The following ZNF804B variants were observed in gnomAD, a reference collection of about 807,000 sequenced individuals.
The protein encoded by ZNF804B is zinc finger protein 804B.
In ZNF804B, 80 loss-of-function variants were observed where a neutral mutation model predicts 101.4. The observed-to-expected ratio is 0.79, with a 90% CI of 0.66 to 0.95. ZNF804B has a LOEUF of 0.95. Among genes scored for constraint, ZNF804B ranks in the 40% least tolerant of loss-of-function variants. The probability of loss-of-function intolerance (pLI) is 0.00; values close to 1 mark genes in which losing one functional copy is unlikely to be tolerated. For synonymous variants in ZNF804B, 622 were observed against 558.8 expected, an observed-to-expected ratio of 1.11 and a Z score of -1.59; for missense variants, 1,673 against 1,561.9, an observed-to-expected ratio of 1.07 and a Z score of -1.20.
At chr7:88,912,880 A>C (rs1792570100) in intron 1 of ZNF804B, among the ~76,000 whole-genome samples, 2 of 152,232 alleles carry the variant, frequency 1.3e-5, no homozygotes, top group Non-Finnish European at 1.5e-5. Context: ...TGATTAAATA[A>C]ATCAAAAATT....
At chr7:89,331,288 CT>C (rs1790974016) in intron 3 of ZNF804B, among the ~76,000 whole-genome samples, 1 of 151,702 alleles carries the variant, frequency 6.6e-6, no homozygotes, top group Non-Finnish European at 1.5e-5. Context: ...TTCCTTCTAT[CT>C]GCAGGCTGGA....
chr7:88,829,476 A>G (rs554013009), intron 1 of ZNF804B, among the ~76,000 whole-genome samples: 23 of 152,244 alleles, frequency 1.5e-4, no homozygotes, highest in Middle Eastern at 6.8e-3. Flanking sequence ...TATTAAACCA[A>G]TGTGATCCTA....
intron 1 of ZNF804B, among the ~76,000 whole-genome samples, chr7:89,015,776 G>T (rs1788542826): frequency 6.6e-6 from 1 of 152,132 alleles, no homozygotes; most frequent in Non-Finnish European, 1.5e-5. Context: ...TTGCTATTGT[G>T]AATAGTGCCG....
intron 1 of ZNF804B, among the ~76,000 whole-genome samples, chr7:89,204,707 C>CT (rs895256563): frequency 6.6e-6 from 1 of 152,142 alleles, no homozygotes; most frequent in Admixed American, 6.5e-5. Context: ...TTTGATTATT[C>CT]TTATACCATA....
At position 88,820,087 on chromosome 7, in the gene ZNF804B, C is replaced by G. The variant is rs111254355; in HGVS notation, c.108+60003C>G. ...AATAAATAAAGATATATATTTTTGC[C>G]ACTTATTTTTTAGCAAGTCCTGCTG... On this transcript the variant is annotated intron_variant, in intron 1 of 3. Coordinates refer to ENST00000333190, the MANE Select transcript of ZNF804B (RefSeq NM_181646.5). Among the ~76,000 whole-genome samples the G allele has an allele frequency of 2.4e-3, 372 of 152,160 alleles. 3 individuals carry two copies. The highest frequency in any genetic ancestry group is 8.9e-3 in the African/African-American group (368 of 41,516).
chr7:89,313,504 A>C (rs1052432984), intron 2 of ZNF804B, among the ~76,000 whole-genome samples: 4 of 152,202 alleles, frequency 2.6e-5, no homozygotes, highest in African/African-American at 9.6e-5. Context: ...ACTGGTAAGC[A>C]ATGATATTGA....
intron 1 of ZNF804B, among the ~76,000 whole-genome samples, chr7:89,027,832 A>T (rs1788774296): frequency 6.6e-6 from 1 of 152,156 alleles, no homozygotes; most frequent in South Asian, 2.1e-4. Context: ...TGTCCAGCCC[A>T]AGAGCTCTTA....
At chr7:89,133,121 A>T (rs1465147694) in intron 1 of ZNF804B, among the ~76,000 whole-genome samples, 1 of 151,992 alleles carries the variant, frequency 6.6e-6, no homozygotes, top group African/African-American at 2.4e-5. Context: ...AGCAGAAAAG[A>T]GTTCATATTC....
intron 1 of ZNF804B, among the ~76,000 whole-genome samples, chr7:88,903,468 C>A (rs967862494): frequency 6.6e-6 from 1 of 151,946 alleles, no homozygotes; most frequent in African/African-American, 2.4e-5. Context: ...GGGTATATAC[C>A]CAGTACTGGG....
chr7:89,033,466 G>A (rs1310405279), intron 1 of ZNF804B, among the ~76,000 whole-genome samples: 4 of 152,048 alleles, frequency 2.6e-5, no homozygotes, highest in Non-Finnish European at 5.9e-5. Context: ...AAATATTTTG[G>A]ATAAATACTG....
At chr7:88,833,659 T>C (rs1211135253) in intron 1 of ZNF804B, among the ~76,000 whole-genome samples, 1 of 151,926 alleles carries the variant, frequency 6.6e-6, no homozygotes, top group Admixed American at 6.6e-5. Flanking sequence ...TGAATGTTTG[T>C]TTTATTATTA....
chr7:88,952,581 G>T (rs1035206974), intron 1 of ZNF804B, among the ~76,000 whole-genome samples: 1 of 151,840 alleles, frequency 6.6e-6, no homozygotes. Context: ...ATTAATGCAG[G>T]TTACAGAAGG....
intron 1 of ZNF804B, among the ~76,000 whole-genome samples, chr7:89,033,853 T>G (rs1408525645): frequency 1.3e-5 from 2 of 152,020 alleles, no homozygotes; most frequent in Non-Finnish European, 2.9e-5. Context: ...TGTATCTTCA[T>G]TTTTTTCAGT....
chr7:89,015,065 A>T (rs1490495422), intron 1 of ZNF804B, among the ~76,000 whole-genome samples: 1 of 152,162 alleles, frequency 6.6e-6, no homozygotes, highest in Admixed American at 6.5e-5. Flanking sequence ...ATTCTTCTGC[A>T]TATAGATATC....
chr7:89,067,124 AATCT>A (rs1233339635), intron 1 of ZNF804B, among the ~76,000 whole-genome samples: 1 of 152,160 alleles, frequency 6.6e-6, no homozygotes, highest in Admixed American at 6.6e-5. Flanking sequence ...GCTACCGATC[AATCT>A]ATCTGTCTAC....
chr7:88,915,892 G>A (rs1346699146), intron 1 of ZNF804B, among the ~76,000 whole-genome samples: 1 of 151,834 alleles, frequency 6.6e-6, no homozygotes, highest in Non-Finnish European at 1.5e-5. Context: ...ATTTAAACAT[G>A]TTGTGAAAGA....
intron 1 of ZNF804B, among the ~76,000 whole-genome samples, chr7:89,048,844 G>A (rs1789154159): frequency 6.6e-6 from 1 of 151,770 alleles, no homozygotes; most frequent in African/African-American, 2.4e-5. Flanking sequence ...TGAATTTTAT[G>A]AAATAAACCA....
intron 2 of ZNF804B, among the ~76,000 whole-genome samples, chr7:89,290,374 A>T (rs1346331739): frequency 6.6e-6 from 1 of 152,128 alleles, no homozygotes; most frequent in East Asian, 1.9e-4. Context: ...CTTAGGCACC[A>T]TCCCAGCCAC....
chr7:89,198,387 GCTCA>G (rs1413499150), intron 1 of ZNF804B, among the ~76,000 whole-genome samples: 1 of 151,848 alleles, frequency 6.6e-6, no homozygotes, highest in Non-Finnish European at 1.5e-5. Context: ...GCATGTTCAT[GCTCA>G]CTATTTATGT....
Sources: allele counts gnomAD v4.1 joint callset (sites outside exome capture counted in the v4.1 genomes callset), GRCh38; gene constraint gnomAD v4.1.1; transcripts MANE v1.5; gene names NCBI Gene and HGNC (gene_info 2026-07-23, HGNC 2026-07-21).